The following VPS13C variants were observed in gnomAD, a reference collection of about 807,000 sequenced individuals.
VPS13C encodes vacuolar protein sorting 13 homolog C, also known as intermembrane lipid transfer protein VPS13C.
Under a neutral mutation model 456.8 loss-of-function variants are expected in VPS13C, and 358 were observed. The ratio of observed to expected loss-of-function variants is 0.78; its 90% CI spans 0.72 to 0.86. The LOEUF is 0.86. VPS13C is among the 40% of genes least tolerant of loss of function. The pLI, the probability that VPS13C is intolerant of heterozygous loss-of-function variation, is 0.00. For synonymous variants in VPS13C, 1,578 were observed against 1,486.7 expected (o/e 1.06, Z -1.41); for missense variants, 4,818 against 4,385.4 (o/e 1.10, Z -2.79).
chr15:61,919,953 T>G, intron 57 of VPS13C, 114 bp downstream of exon 57: 1 of 1,076,992 alleles, frequency 9.3e-7, no homozygotes, highest in Non-Finnish European at 1.3e-6. Context: ...AATTATATGT[T>G]TCAAATGTTG....
intron 27 of VPS13C, among the ~76,000 whole-genome samples, chr15:61,969,876 G>C (rs2045493217): frequency 6.6e-6 from 1 of 151,962 alleles, no homozygotes; most frequent in South Asian, 2.1e-4. Flanking sequence ...TGTATATTTA[G>C]CCAATAAAAA....
chr15:61,957,568 G>A (rs2045048314), intron 37 of VPS13C, among the ~76,000 whole-genome samples: 1 of 152,072 alleles, frequency 6.6e-6, no homozygotes, highest in South Asian at 2.1e-4. Flanking sequence ...GAAAGGTATA[G>A]AAAAACAACC....
At chr15:61,910,778 G>A (rs1171501873) in intron 63 of VPS13C, among the ~76,000 whole-genome samples, 1 of 152,052 alleles carries the variant, frequency 6.6e-6, no homozygotes, top group Admixed American at 6.5e-5. Context: ...CCTCCTAGTT[G>A]TTTGATATCA....
chr15:61,944,396 A>G (rs2044534965), intron 45 of VPS13C, among the ~76,000 whole-genome samples: 1 of 152,224 alleles, frequency 6.6e-6, no homozygotes, highest in Non-Finnish European at 1.5e-5. Context: ...GTGCCCATCA[A>G]CAGTGGACTA....
intron 6 of VPS13C, among the ~76,000 whole-genome samples, chr15:62,024,149 A>C (rs1178960719): frequency 6.6e-6 from 1 of 152,082 alleles, no homozygotes; most frequent in African/African-American, 2.4e-5. Context: ...ATGACTTTAC[A>C]AAGTTACACT....
chr15:61,956,929 T>C (rs148257546), intron 37 of VPS13C, among the ~76,000 whole-genome samples: 112 of 152,198 alleles, frequency 7.4e-4, no homozygotes, highest in East Asian at 3.3e-3. Flanking sequence ...AAATCTCACA[T>C]ATGACCCAGT....
At chr15:61,857,143 C>G (rs1893961907) in intron 82 of VPS13C, among the ~76,000 whole-genome samples, 1 of 152,028 alleles carries the variant, frequency 6.6e-6, no homozygotes, top group Non-Finnish European at 1.5e-5. Flanking sequence ...AAGAGAAGGA[C>G]TATTAATTCA....
intron 2 of VPS13C, among the ~76,000 whole-genome samples, chr15:62,043,705 C>A (rs952905569): frequency 2.6e-5 from 4 of 152,130 alleles, no homozygotes; most frequent in African/African-American, 7.2e-5. Flanking sequence ...TTTAGCCCAA[C>A]AAGCTAAACA....
chr15:61,989,440 GGGCA>G (rs1219137088), intron 18 of VPS13C, among the ~76,000 whole-genome samples: 1 of 151,798 alleles, frequency 6.6e-6, no homozygotes, highest in African/African-American at 2.4e-5. Flanking sequence ...TTTACATTGT[GGGCA>G]GACAGACTTG....
intron 83 of VPS13C, among the ~76,000 whole-genome samples, 175 bp from the exon 84 acceptor site, chr15:61,855,129 T>C (rs1838661477): frequency 6.6e-6 from 1 of 152,224 alleles, no homozygotes; most frequent in South Asian, 2.1e-4. Context: ...GGTATTTCCA[T>C]ATGTGAGTTG....
intron 47 of VPS13C, 115 bp from the exon 48 acceptor site, chr15:61,936,865 GAGTT>G (rs2044244269): frequency 5.6e-6 from 6 of 1,078,878 alleles, no homozygotes; most frequent in South Asian, 5.1e-5. Context: ...AAAAAGAAGA[GAGTT>G]AGAGTTAGGA....
chr15:62,012,233 C>T, intron 11 of VPS13C, 69 bp from the exon 12 acceptor site: 3 of 669,204 alleles, frequency 4.5e-6, no homozygotes, highest in Non-Finnish European at 7.6e-6. Context: ...CACACACACA[C>T]ACACACACAC....
chr15:61,919,342 G>T lies in VPS13C; in HGVS notation c.7585C>A (p.Gln2529Lys). ...TTATTCCCTTCAGTTGCATCAATTT[G>T]TACCAAGACAGAGTCAGAATGACTG... ...NASHSDSVLV[Q>K]IDATEGNKVI... Residue 2529 changes from glutamine to lysine, a missense_variant, in exon 58 of 85, where the codon CAA becomes AAA. Physicochemically the swap from Gln to Lys is moderately conservative, Grantham distance 53. Coordinates refer to ENST00000644861, the MANE Select transcript of VPS13C (RefSeq NM_020821.3). 1 of 1,606,520 alleles carries T rather than the reference G, an allele frequency of 6.2e-7. No individual in the cohort carries two copies. Among genetic ancestry groups the T allele is most frequent in the Non-Finnish European group, 8.5e-7 (1 of 1,176,844 alleles).
At position 61,852,495 on chromosome 15, in the gene VPS13C, T is replaced by A. The variant is rs1306125923; in HGVS notation, c.*1962A>T. On this transcript the variant is annotated 3_prime_UTR_variant, in exon 85 of 85. Transcript: ENST00000644861. ...CGCATTATTACACTTTACCAATGAA[T>A]TATTTCTGTCCCTGGAGATTAAATC... The A allele has an allele frequency of 6.6e-6, 1 of 152,216 alleles. No individual in the cohort carries two copies. Among genetic ancestry groups the A allele is most frequent in the Non-Finnish European group, 1.5e-5 (1 of 68,028 alleles). The allele number at this position is 152,216 out of a possible 1,614,324, so 9.4% of individuals were successfully genotyped here. A position where few individuals can be genotyped will look rare whatever the true frequency, so the allele number is the denominator to read the frequency against.
At chr15:61,995,871 T>G (rs2046366234) in intron 16 of VPS13C, among the ~76,000 whole-genome samples, 1 of 152,224 alleles carries the variant, frequency 6.6e-6, no homozygotes, top group South Asian at 2.1e-4. Context: ...ATGTGTTGTT[T>G]CAAGCCACTA....
At position 61,922,576 on chromosome 15, in the gene VPS13C, C is replaced by T. The variant is rs1283325703; in HGVS notation, c.6796G>A (p.Gly2266Ser). The T allele has an allele frequency of 2.5e-6, 4 of 1,613,956 alleles. No individual in the cohort carries two copies. Among genetic ancestry groups the T allele is most frequent in the Non-Finnish European group, 3.4e-6 (4 of 1,179,978 alleles). ...TCCTCTATCAGTGAATGTTCAATGC[C>T]TTTGAAGCTTTCCGTTATTTCTGTT... ...TATEITESFK[G>S]IEHSLIEENC... The change falls in exon 54 of 85, where the codon GGC (glycine) becomes AGC (serine). Residue 2266 changes from glycine (G) to serine (S), a missense_variant. Transcript: ENST00000644861.
At position 61,880,601 on chromosome 15, in the gene VPS13C, C is replaced by A. The variant is rs1288459364; in HGVS notation, c.10002+8G>T. ...CACTAAATTTTCAAAATAATAATTA[C>A]AACAAACCTTCACAGGAGAAATATG... On this transcript the variant is annotated splice_region_variant and intron_variant, in intron 73 of 84. Transcript: ENST00000644861. 1 of 1,535,994 alleles carries A rather than the reference C, an allele frequency of 6.5e-7. No individual in the cohort carries two copies. The highest frequency in any genetic ancestry group is 8.8e-7 in the Non-Finnish European group (1 of 1,133,582).
chr15:62,033,671 T>C, intron 4 of VPS13C, 129 bp from the exon 5 acceptor site: 1 of 510,550 alleles, frequency 2.0e-6, no homozygotes. Context: ...TTTCACATTT[T>C]TAGTTTTACG....
At chr15:61,882,804 C>A (rs12442506) in intron 68 of VPS13C, 68 bp from the exon 69 acceptor site, 3 of 1,423,732 alleles carry the variant, frequency 2.1e-6, no homozygotes, top group African/African-American at 2.9e-5. Context: ...TTTTTAATAT[C>A]TGTTTATTGA....
Sources: allele counts gnomAD v4.1 joint callset (sites outside exome capture counted in the v4.1 genomes callset), GRCh38; gene constraint gnomAD v4.1.1; transcripts MANE v1.5; gene names NCBI Gene and HGNC (gene_info 2026-07-23, HGNC 2026-07-21).